Variants in CHLSN observed in about 807,000 individuals in gnomAD.
CHLSN encodes the protein cholesin, also known as protein cholesin.
chr7:1,041,860 C>T, the CHLSN span, among the ~76,000 whole-genome samples: 1 of 151,838 alleles, frequency 6.6e-6, no homozygotes, highest in Non-Finnish European at 1.5e-5. Flanking sequence ...CTCTCCAGCT[C>T]CTGACCAGCA....
At chr7:1,003,550 G>T in the CHLSN span, among the ~76,000 whole-genome samples, 9 of 44,822 alleles carry the variant, frequency 2.0e-4, no homozygotes, top group Admixed American at 4.8e-4. Flanking sequence ...CTGTGGGTGA[G>T]TGGAGTCCTG....
chr7:1,115,595 T>C, the CHLSN span, among the ~76,000 whole-genome samples: 2 of 118,258 alleles, frequency 1.7e-5, no homozygotes, highest in African/African-American at 6.5e-5. Flanking sequence ...CAGGATGGCA[T>C]CACTACAGCT....
At chr7:1,091,782 C>T in the CHLSN span, 61 of 1,579,316 alleles carry the variant, frequency 3.9e-5, no homozygotes, top group Non-Finnish European at 4.6e-5. Flanking sequence ...ACCCAGGCAC[C>T]GCGCAGCCTG....
At chr7:1,053,931 GGGCACTCCC>G in the CHLSN span, among the ~76,000 whole-genome samples, 1 of 152,246 alleles carries the variant, frequency 6.6e-6, no homozygotes, top group Non-Finnish European at 1.5e-5. Context: ...AGCTCCTGGA[GGGCACTCCC>G]AGGGACCCTG....
At chr7:1,098,824 G>A in the CHLSN span, among the ~76,000 whole-genome samples, 1 of 152,242 alleles carries the variant, frequency 6.6e-6, no homozygotes, top group Non-Finnish European at 1.5e-5. Flanking sequence ...GCCGGGGCTG[G>A]GGTGAGCGGG....
At chr7:1,073,708 A>T in the CHLSN span, among the ~76,000 whole-genome samples, 56 of 99,088 alleles carry the variant, frequency 5.7e-4, no homozygotes, top group East Asian at 0.014. Context: ...ACCCTGCTGC[A>T]GTGACGCCCC....
At chr7:1,010,165 A>G in the CHLSN span, 23 of 1,595,628 alleles carry the variant, frequency 1.4e-5, no homozygotes, top group Non-Finnish European at 1.8e-5. Context: ...GGAACACATT[A>G]GGCTTCGGGG....
the CHLSN span, chr7:983,099 T>G: frequency 1.1e-6 from 1 of 926,684 alleles, no homozygotes; most frequent in Non-Finnish European, 1.5e-6. Context: ...TCGTTCCACA[T>G]TCTCGGGGTG....
the CHLSN span, among the ~76,000 whole-genome samples, chr7:1,121,773 C>T: frequency 2.6e-5 from 4 of 152,236 alleles, no homozygotes; most frequent in South Asian, 2.1e-4. Context: ...CTGTGGCCCA[C>T]GAAGCCTTCT....
chr7:1,004,293 C>G, the CHLSN span, among the ~76,000 whole-genome samples: 2 of 152,130 alleles, frequency 1.3e-5, no homozygotes, highest in Non-Finnish European at 2.9e-5. Flanking sequence ...AAGTTGGCAT[C>G]TCAGCTCTGC....
chr7:1,052,097 G>A, the CHLSN span, among the ~76,000 whole-genome samples: 2 of 152,388 alleles, frequency 1.3e-5, no homozygotes, highest in Admixed American at 6.5e-5. This position sits in a 1 kb window ranked among gnomAD's most constrained non-coding sequence, Gnocchi z 4.2. Flanking sequence ...CTGAGGCCCA[G>A]GCAGGGCCAG....
At chr7:1,124,867 G>A in the CHLSN span, among the ~76,000 whole-genome samples, 2 of 152,248 alleles carry the variant, frequency 1.3e-5, no homozygotes, top group East Asian at 1.9e-4. Flanking sequence ...GACCCGCTGC[G>A]CGGGAGCCGC....
At chr7:1,046,612 T>C in the CHLSN span, among the ~76,000 whole-genome samples, 1 of 152,214 alleles carries the variant, frequency 6.6e-6, no homozygotes, top group African/African-American at 2.4e-5. Context: ...CAAAATGAGA[T>C]GCTGCCCGGG....
the CHLSN span, chr7:1,055,362 A>G: frequency 2.1e-6 from 1 of 470,912 alleles, no homozygotes; most frequent in Non-Finnish European, 4.4e-6. Flanking sequence ...GCGGGTTTGC[A>G]GAGAAGCGCA....
the CHLSN span, among the ~76,000 whole-genome samples, chr7:1,042,766 T>C: frequency 6.6e-6 from 1 of 152,134 alleles, no homozygotes; most frequent in African/African-American, 2.4e-5. Context: ...CGGTGCATAC[T>C]CTGACCAGGG....
the CHLSN span, chr7:987,211 C>T: frequency 1.2e-4 from 187 of 1,545,372 alleles, 1 homozygote; most frequent in Non-Finnish European, 1.4e-4. Context: ...TGCAGTGGGC[C>T]GCACTTCTGA....
At chr7:1,021,596 T>C in the CHLSN span, 2 of 980,802 alleles carry the variant, frequency 2.0e-6, no homozygotes, top group East Asian at 1.1e-4. Flanking sequence ...CCCATGCTGT[T>C]GGATGGGAGA....
the CHLSN span, among the ~76,000 whole-genome samples, chr7:1,014,715 C>T: frequency 2.0e-5 from 3 of 152,276 alleles, no homozygotes; most frequent in South Asian, 2.1e-4. Context: ...TCCACGGTTC[C>T]GAATTTTCCT....
chr7:1,018,826 C>T, the CHLSN span, among the ~76,000 whole-genome samples: 10 of 152,098 alleles, frequency 6.6e-5, no homozygotes, highest in African/African-American at 1.2e-4. Context: ...TCTTCTACCT[C>T]GGGGGTGGGT....
Sources: allele counts gnomAD v4.1 joint callset (sites outside exome capture counted in the v4.1 genomes callset), GRCh38; gene constraint gnomAD v4.1.1; non-coding constraint Gnocchi (gnomAD v3.1); transcripts MANE v1.5; gene names NCBI Gene and HGNC (gene_info 2026-07-23, HGNC 2026-07-21).